Variants in TMCC1 observed in about 807,000 individuals in gnomAD.
The protein encoded by TMCC1 is transmembrane and coiled-coil domain family 1.
In TMCC1, 15 loss-of-function variants were observed where a neutral mutation model predicts 52.4. The ratio of observed to expected loss-of-function variants is 0.29; its 90% CI spans 0.19 to 0.44. TMCC1 has a LOEUF of 0.44. Ranked by LOEUF, TMCC1 falls within the 20% of genes least tolerant of loss-of-function variation. TMCC1 has a pLI of 1.00. For synonymous variants in TMCC1, 279 were observed against 301.9 expected (o/e 0.92, Z 0.79); for missense variants, 503 against 806.0 (o/e 0.62, Z 4.55).
intron 2 of TMCC1, among the ~76,000 whole-genome samples, chr3:129,848,896 C>T (rs952289740): frequency 2.0e-5 from 3 of 151,542 alleles, no homozygotes; most frequent in African/African-American, 4.9e-5. Context: ...TACTATGGCT[C>T]GCTCCTCTAC....
chr3:129,866,569 G>A (rs568086412), intron 2 of TMCC1, among the ~76,000 whole-genome samples: 10 of 151,454 alleles, frequency 6.6e-5, no homozygotes, highest in Admixed American at 1.3e-4. Context: ...TAGAGACAGC[G>A]TTTTTCCATG....
At chr3:129,727,537 T>C (rs1334211627) in intron 4 of TMCC1, among the ~76,000 whole-genome samples, 1 of 152,218 alleles carries the variant, frequency 6.6e-6, no homozygotes, top group Non-Finnish European at 1.5e-5. Context: ...TTTCAACATG[T>C]TTAAAATAAT....
intron 4 of TMCC1, among the ~76,000 whole-genome samples, chr3:129,675,087 G>A (rs182991024): frequency 3.9e-5 from 6 of 152,224 alleles, no homozygotes; most frequent in Non-Finnish European, 8.8e-5. Flanking sequence ...TGATCTGCCC[G>A]CCTCCCAAAG....
At chr3:129,783,652 T>C (rs1211194163) in intron 4 of TMCC1, among the ~76,000 whole-genome samples, 1 of 152,190 alleles carries the variant, frequency 6.6e-6, no homozygotes, top group Non-Finnish European at 1.5e-5. Flanking sequence ...TACTTAGGAA[T>C]TTTAAATACC....
chr3:129,719,160 C>T (rs562502565), intron 4 of TMCC1, among the ~76,000 whole-genome samples: 2 of 152,172 alleles, frequency 1.3e-5, no homozygotes, highest in Non-Finnish European at 2.9e-5. Flanking sequence ...GCCCCACCCC[C>T]CAACCTCTGG....
intron 4 of TMCC1, among the ~76,000 whole-genome samples, chr3:129,767,277 AG>A (rs1560374096): frequency 6.6e-6 from 1 of 150,878 alleles, no homozygotes; most frequent in Non-Finnish European, 1.5e-5. Context: ...AAAAAAAAAA[AG>A]ATACAAGGCA....
At chr3:129,750,204 T>C (rs1285949550) in intron 4 of TMCC1, among the ~76,000 whole-genome samples, 1 of 152,164 alleles carries the variant, frequency 6.6e-6, no homozygotes, top group Non-Finnish European at 1.5e-5. Context: ...TATTTACTTA[T>C]TTTGAGACAA....
chr3:129,651,297 G>A lies in TMCC1; in HGVS notation c.*184C>T, dbSNP rs2086305707. 1.4e-6 allele frequency: 1 copy of A among 693,804 alleles called. No individual in the cohort carries two copies. Among genetic ancestry groups the A allele is most frequent in the African/African-American group, 1.8e-5 (1 of 55,868 alleles). The allele number at this position is 693,804 out of a possible 1,614,324, so 43.0% of individuals were successfully genotyped here. On this transcript the variant is annotated 3_prime_UTR_variant, in exon 7 of 7. Coordinates refer to ENST00000393238, the MANE Select transcript of TMCC1 (RefSeq NM_001017395.5). The surrounding 1 kb of genome is among the most constrained non-coding windows in gnomAD (Gnocchi z 5.1). Reference sequence around the variant, plus strand: ...AAGATTTTCGCCCAAAAAACTTCTTGGATAAAATCTAAAAAATACTATTGC... The same window carrying A: ...AAGATTTTCGCCCAAAAAACTTCTTAGATAAAATCTAAAAAATACTATTGC...
chr3:129,853,827 T>C (rs1041744492), intron 2 of TMCC1, among the ~76,000 whole-genome samples: 1 of 152,134 alleles, frequency 6.6e-6, no homozygotes, highest in Admixed American at 6.6e-5. Context: ...CTGTCTTCCT[T>C]CAGTATTCCT....
In TMCC1 at chr3:129,857,772, C is replaced by G. The variant is rs985489561; in HGVS notation, c.-184+22537G>C. Reference sequence around the variant, plus strand: ...TAGAGACAGGGTTTCACCTTGTTAGCCAGGATGGTCTCGATCTCCTGATGT... The same window carrying G: ...TAGAGACAGGGTTTCACCTTGTTAGGCAGGATGGTCTCGATCTCCTGATGT... On this transcript the variant is annotated intron_variant, in intron 2 of 6. Coordinates refer to ENST00000393238, the MANE Select transcript of TMCC1 (RefSeq NM_001017395.5). Among the ~76,000 whole-genome samples, 10 of 152,090 alleles carry G rather than the reference C, an allele frequency of 6.6e-5. 1 individual carries two copies. Among genetic ancestry groups the G allele is most frequent in the Admixed American group, 6.5e-4 (10 of 15,274 alleles).
chr3:129,830,692 C>T (rs1415656757), intron 3 of TMCC1, among the ~76,000 whole-genome samples: 1 of 152,140 alleles, frequency 6.6e-6, no homozygotes, highest in African/African-American at 2.4e-5. Context: ...ATGTTTATCC[C>T]ATGAGATTAA....
intron 4 of TMCC1, among the ~76,000 whole-genome samples, chr3:129,820,690 A>G (rs547160005): frequency 3.9e-5 from 6 of 152,294 alleles, no homozygotes; most frequent in Non-Finnish European, 8.8e-5. Context: ...GCTCAAAAGG[A>G]GAAGTGGAAC....
rs74939227 is a variant in TMCC1 at position 129,699,807 on chromosome 3, T to C, written c.577-28543A>G. 4.5e-4 allele frequency among the ~76,000 whole-genome samples: 69 copies of C among 152,240 alleles called. 3 individuals carry two copies. The East Asian group carries it at 0.013, about 28-fold the overall frequency. ...AGCAGGGTATGGTGTGGGGCATGCC[T>C]TGTAGTCTCAGCTACTTGGGGAGGC... On this transcript the variant is annotated intron_variant, in intron 4 of 6. Coordinates refer to ENST00000393238, the MANE Select transcript of TMCC1 (RefSeq NM_001017395.5).
intron 4 of TMCC1, among the ~76,000 whole-genome samples, chr3:129,765,040 G>A (rs561731883): frequency 1.3e-5 from 2 of 150,506 alleles, no homozygotes; most frequent in African/African-American, 2.4e-5. Context: ...GGCCAAAAGC[G>A]ATCCTCCCTC....
At chr3:129,801,029 T>C (rs1283037416) in intron 4 of TMCC1, among the ~76,000 whole-genome samples, 1 of 148,502 alleles carries the variant, frequency 6.7e-6, no homozygotes, top group Non-Finnish European at 1.5e-5. Context: ...GTTCACGCCA[T>C]TCTCCTGCCT....
intron 2 of TMCC1, among the ~76,000 whole-genome samples, chr3:129,839,064 T>C (rs1372776509): frequency 3.9e-5 from 6 of 152,114 alleles, no homozygotes; most frequent in Non-Finnish European, 5.9e-5. Context: ...ACCCATCCTA[T>C]AAGAAATATT....
At chr3:129,823,692 C>A (rs2058529415) in intron 4 of TMCC1, among the ~76,000 whole-genome samples, 2 of 152,292 alleles carry the variant, frequency 1.3e-5, no homozygotes, top group South Asian at 2.1e-4. Flanking sequence ...AAAACACAAT[C>A]TTGGCCTATC....
chr3:129,823,979 C>T (rs2058543878), intron 4 of TMCC1, among the ~76,000 whole-genome samples: 1 of 152,286 alleles, frequency 6.6e-6, no homozygotes, highest in South Asian at 2.1e-4. Flanking sequence ...CTTTCCATTA[C>T]GTTGAGCCTT....
intron 1 of TMCC1, among the ~76,000 whole-genome samples, chr3:129,890,634 A>G (rs2061924734): frequency 6.6e-6 from 1 of 152,248 alleles, no homozygotes; most frequent in South Asian, 2.1e-4. Flanking sequence ...GGGACTCCAG[A>G]GCAGTTTTAA....
Sources: gnomAD v4.1 joint callset for allele counts (sites outside exome capture counted in the v4.1 genomes callset) on GRCh38, gnomAD v4.1.1 for gene constraint, Gnocchi (gnomAD v3.1) non-coding constraint, MANE v1.5 for transcripts, NCBI Gene and HGNC (gene_info 2026-07-23, HGNC 2026-07-21) for gene names.